Variants in DSG3 observed in about 807,000 individuals in gnomAD.
DSG3 encodes the protein desmoglein 3.
A neutral mutation model predicts 85.9 loss-of-function variants in DSG3; 63 were observed. The observed-to-expected ratio is 0.73, with a 90% CI of 0.60 to 0.90. DSG3 has a LOEUF of 0.90. Ranked by LOEUF, DSG3 falls within the 40% of genes least tolerant of loss-of-function variation. The pLI, the probability that DSG3 is intolerant of heterozygous loss-of-function variation, is 0.00. For missense variants in DSG3, 1,220 were observed against 1,219.9 expected (o/e 1.00, Z 0.00); for synonymous variants, 447 against 441.9 (o/e 1.01, Z -0.14).
intron 6 of DSG3, among the ~76,000 whole-genome samples, chr18:31,460,356 T>C (rs2072776254): frequency 1.3e-5 from 2 of 152,190 alleles, no homozygotes; most frequent in Non-Finnish European, 2.9e-5. Context: ...GGGAGAAATT[T>C]CTGTCTGGAA....
At chr18:31,457,689 G>A (rs142421923) in intron 3 of DSG3, among the ~76,000 whole-genome samples, 2,544 of 148,910 alleles carry the variant, frequency 0.017, 74 homozygotes, top group African/African-American at 0.059. Context: ...GTGCTGTGGC[G>A]CGATCTCAGC....
intron 9 of DSG3, 48 bp from the exon 10 acceptor site, chr18:31,465,270 A>C: frequency 7.7e-7 from 1 of 1,290,446 alleles, no homozygotes; most frequent in East Asian, 2.7e-5. Flanking sequence ...TAAATATGTA[A>C]CATTCCACAT....
In DSG3 at chr18:31,474,278, T is replaced by C. The variant is rs776962026; in HGVS notation, c.2259T>C (p.Thr753=). ...CTGCTTCAGGATTCGGAGCAGCCAC[T>C]GGAGTTGGCATCTGTTCCTCAGGGC... ...SGAASGFGAA[T]GVGICSSGQS... is the part of the protein sequence containing the mutation. The change falls in exon 15 of 16, where the codon ACT becomes ACC. Residue 753 remains threonine (T), a synonymous_variant. Transcript: ENST00000257189. The C allele has an allele frequency of 6.2e-7, 1 of 1,614,178 alleles. No individual in the cohort carries two copies. Among genetic ancestry groups the C allele is most frequent in the Non-Finnish European group, 8.5e-7 (1 of 1,180,036 alleles).
chr18:31,474,676 A>T (rs1187913895), intron 15 of DSG3, among the ~76,000 whole-genome samples: 2 of 152,110 alleles, frequency 1.3e-5, no homozygotes, highest in African/African-American at 4.8e-5. Flanking sequence ...GATTGCTTGC[A>T]CCCAGGAGGT....
At chr18:31,469,667 C>T (rs2072843966) in intron 12 of DSG3, among the ~76,000 whole-genome samples, 1 of 151,950 alleles carries the variant, frequency 6.6e-6, no homozygotes. Flanking sequence ...TGGCTTTATC[C>T]AAGAGTGTGG....
intron 6 of DSG3, among the ~76,000 whole-genome samples, chr18:31,460,455 TC>T (rs2072776746): frequency 6.6e-6 from 1 of 152,170 alleles, no homozygotes; most frequent in Non-Finnish European, 1.5e-5. Context: ...CCTTCTCCAA[TC>T]CCCCTCATTA....
At chr18:31,466,880 G>A in intron 11 of DSG3, 126 bp downstream of exon 11, 4 of 745,976 alleles carry the variant, frequency 5.4e-6, no homozygotes, top group Non-Finnish European at 8.8e-6. Context: ...CAATGAAGAT[G>A]TGGCTGTAGC....
At chr18:31,471,353 T>C (rs77865918) in intron 12 of DSG3, among the ~76,000 whole-genome samples, 1 of 152,344 alleles carries the variant, frequency 6.6e-6, no homozygotes, top group East Asian at 1.9e-4. Context: ...GTAGATACTA[T>C]TTATTCCCCC....
intron 15 of DSG3, among the ~76,000 whole-genome samples, chr18:31,475,072 G>A (rs942024656): frequency 6.6e-6 from 1 of 152,198 alleles, no homozygotes; most frequent in Non-Finnish European, 1.5e-5. Context: ...TAGGATGGAA[G>A]ATCAGTGATG....
Position 31,466,774 on chromosome 18 carries a change from C to T in DSG3, c.1636+20C>T. 1 of 1,601,188 alleles carries T rather than the reference C, an allele frequency of 6.2e-7. No homozygotes were observed. The highest frequency in any genetic ancestry group is 8.6e-7 in the Non-Finnish European group (1 of 1,169,152). On this transcript the variant is annotated intron_variant, in intron 11 of 15. Coordinates refer to ENST00000257189, the MANE Select transcript of DSG3 (RefSeq NM_001944.3). The stretch of plus-strand genomic sequence containing the variant: ...TCAATGGTGAGTAACAGTAAAGTTG[C>T]TTCTATAAATGCAAACTGCTCCTTT...
chr18:31,472,052 AT>A (rs1289533468), intron 12 of DSG3, among the ~76,000 whole-genome samples: 1 of 152,156 alleles, frequency 6.6e-6, no homozygotes, highest in Admixed American at 6.5e-5. Context: ...TACCAAAAAA[AT>A]AACAACAAGA....
Position 31,457,272 on chromosome 18 carries a change from A to G in DSG3, c.216+148A>G, listed in dbSNP as rs1023844205. On this transcript the variant is annotated intron_variant, in intron 3 of 15. Coordinates refer to ENST00000257189, the MANE Select transcript of DSG3 (RefSeq NM_001944.3). Reference sequence around the variant, plus strand: ...GTATCCTCAACAAAATAGTACAATAATAATAATAATGAGAGAAAGAGAGAA... The same window carrying G: ...GTATCCTCAACAAAATAGTACAATAGTAATAATAATGAGAGAAAGAGAGAA... 239 of 566,164 alleles carry G rather than the reference A, an allele frequency of 4.2e-4. 2 individuals carry two copies. The highest frequency in any genetic ancestry group is 4.6e-5 in the Non-Finnish European group (16 of 351,290). 35.1% of individuals were successfully genotyped at this position (566,164 alleles called of 1,614,324 possible).
At position 31,474,282 on chromosome 18, in the gene DSG3, G is replaced by A. The variant is rs760016196; in HGVS notation, c.2263G>A (p.Val755Ile). The A allele has an allele frequency of 1.7e-5, 27 of 1,614,072 alleles. No individual in the cohort carries two copies. Among genetic ancestry groups the A allele is most frequent in the Non-Finnish European group, 2.1e-5 (25 of 1,180,044 alleles). ...AASGFGAATGVGICSSGQSGT... is the reference protein window; with the variant it reads ...AASGFGAATGIGICSSGQSGT... ...TTCAGGATTCGGAGCAGCCACTGGAGTTGGCATCTGTTCCTCAGGGCAGTC... is the reference window on the plus strand; with the variant it reads ...TTCAGGATTCGGAGCAGCCACTGGAATTGGCATCTGTTCCTCAGGGCAGTC... The change falls in exon 15 of 16, where the codon GTT becomes ATT. Residue 755 changes from valine (V) to isoleucine (I), a missense_variant. Val to Ile is a conservative substitution (Grantham distance 29). Transcript: ENST00000257189.
intron 8 of DSG3, among the ~76,000 whole-genome samples, chr18:31,462,250 T>C (rs1190328803): frequency 6.6e-6 from 1 of 152,096 alleles, no homozygotes; most frequent in Non-Finnish European, 1.5e-5. Context: ...TTTTATAGTT[T>C]TAGTAGAAAT....
At position 31,469,315 on chromosome 18, in the gene DSG3, C is replaced by T. The variant is rs753349276; in HGVS notation, c.1863C>T (p.Ile621=). ...PHSGRLGPAA[I]GLLLLGLLLL... is the part of the protein sequence containing the mutation. ...CAGGGAGGCTGGGGCCTGCCGCCAT[C>T]GGCCTGCTGCTCCTTGGTCTCCTGC... Residue 621 remains isoleucine, a synonymous_variant, in exon 12 of 16, where the codon ATC becomes ATT. Coordinates refer to ENST00000257189, the MANE Select transcript of DSG3 (RefSeq NM_001944.3). 19 of 1,613,356 alleles carry T rather than the reference C, an allele frequency of 1.2e-5. No individual in the cohort carries two copies. The highest frequency in any genetic ancestry group is 2.7e-5 in the African/African-American group (2 of 74,926).
intron 15 of DSG3, 70 bp downstream of exon 15, chr18:31,474,474 A>G: frequency 1.3e-6 from 2 of 1,500,846 alleles, no homozygotes; most frequent in East Asian, 4.6e-5. Context: ...TTGATTATAT[A>G]CTTCAGTTTT....
chr18:31,471,153 T>C (rs907266216), intron 12 of DSG3, among the ~76,000 whole-genome samples: 1 of 152,146 alleles, frequency 6.6e-6, no homozygotes, highest in Non-Finnish European at 1.5e-5. Context: ...GACATGAGAC[T>C]GGAAAATAAA....
chr18:31,466,661 A>G lies in DSG3; in HGVS notation c.1543A>G (p.Thr515Ala). ...ACCTTCCGTGGTTGTCTCCGCTAGA[A>G]CACTGAATAATAGATACACTGGCCC... ...SSPSVVVSAR[T>A]LNNRYTGPYT... Residue 515 changes from threonine to alanine, a missense_variant, in exon 11 of 16, where the codon ACA becomes GCA. Coordinates refer to ENST00000257189, the MANE Select transcript of DSG3 (RefSeq NM_001944.3). 1.2e-6 allele frequency: 2 copies of G among 1,614,222 alleles called. No homozygotes were observed. The highest frequency in any genetic ancestry group is 1.7e-6 in the Non-Finnish European group (2 of 1,180,036).
At position 31,466,659 on chromosome 18, in the gene DSG3, G is replaced by A. The variant is rs267605162; in HGVS notation, c.1541G>A (p.Arg514Lys). 1 of 1,614,172 alleles carries A rather than the reference G, an allele frequency of 6.2e-7. No individual in the cohort carries two copies. The highest frequency in any genetic ancestry group is 8.5e-7 in the Non-Finnish European group (1 of 1,180,034). The change falls in exon 11 of 16, where the codon AGA becomes AAA. Residue 514 changes from arginine (R) to lysine (K), a missense_variant. Arg to Lys is a conservative substitution (Grantham distance 26, BLOSUM62 2). Coordinates refer to ENST00000257189, the MANE Select transcript of DSG3 (RefSeq NM_001944.3). The part of the protein sequence containing the change: ...SSSPSVVVSA[R>K]TLNNRYTGPY... Reference sequence around the variant, plus strand: ...TCACCTTCCGTGGTTGTCTCCGCTAGAACACTGAATAATAGATACACTGGC... The same window carrying A: ...TCACCTTCCGTGGTTGTCTCCGCTAAAACACTGAATAATAGATACACTGGC...
Sources: allele counts gnomAD v4.1 joint callset (sites outside exome capture counted in the v4.1 genomes callset), GRCh38; gene constraint gnomAD v4.1.1; transcripts MANE v1.5; gene names NCBI Gene and HGNC (gene_info 2026-07-23, HGNC 2026-07-21).